UBE2W: variants seen among roughly 807,000 people sequenced by gnomAD.
UBE2W encodes ubiquitin conjugating enzyme E2 W.
Under a neutral mutation model 27.2 loss-of-function variants are expected in UBE2W, and 18 were observed. The observed-to-expected ratio is 0.66, with a 90% CI of 0.46 to 0.98. UBE2W has a LOEUF of 0.98. Among genes scored for constraint, UBE2W ranks in the 50% least tolerant of loss-of-function variants. UBE2W has a pLI of 0.00. For synonymous variants in UBE2W, 53 were observed against 57.2 expected, an observed-to-expected ratio of 0.93 and a Z score of 0.33; for missense variants, 90 against 180.2, an observed-to-expected ratio of 0.50 and a Z score of 2.87.
At chr8:73,877,910 A>G (rs2131007371) in intron 1 of UBE2W, among the ~76,000 whole-genome samples, 1 of 152,368 alleles carries the variant, frequency 6.6e-6, no homozygotes, top group Non-Finnish European at 1.5e-5. Flanking sequence ...TTGGAAAGCC[A>G]GAAAACCACG....
intron 1 of UBE2W, among the ~76,000 whole-genome samples, chr8:73,843,571 G>A (rs1810636144): frequency 6.6e-6 from 1 of 152,050 alleles, no homozygotes; most frequent in Non-Finnish European, 1.5e-5. Flanking sequence ...AGGAGTTCAG[G>A]TTATAGTGAG....
chr8:73,872,602 G>A (rs182120168), intron 1 of UBE2W, among the ~76,000 whole-genome samples: 28 of 152,308 alleles, frequency 1.8e-4, no homozygotes, highest in African/African-American at 6.5e-4. Flanking sequence ...CAGTAACTGA[G>A]TAGTGAAACT....
chr8:73,785,696 A>G (rs139495511), downstream of UBE2W, among the ~76,000 whole-genome samples: 84 of 152,180 alleles, frequency 5.5e-4, no homozygotes, highest in East Asian at 0.012. Flanking sequence ...GATTCAAGCT[A>G]TTCTCCTGCC....
At position 73,790,807 on chromosome 8, in the gene UBE2W, T is replaced by C. The variant is rs1192142344; in HGVS notation, c.*3295A>G. On this transcript the variant is annotated 3_prime_UTR_variant, in exon 6 of 6. Coordinates refer to ENST00000602593, the MANE Select transcript of UBE2W (RefSeq NM_018299.6). ...ATAACCATTTTCATATCACTACTCA[T>C]TTCCATTATTTACCAATTCATCTTT... is the stretch of plus-strand genomic sequence containing the variant. The C allele has an allele frequency of 2.0e-6, 2 of 984,142 alleles. No homozygotes were observed. The highest frequency in any genetic ancestry group is 3.5e-5 in the African/African-American group (2 of 57,232). The allele number at this position is 984,142 out of a possible 1,614,324, so 61.0% of individuals were successfully genotyped here.
rs1462663201 is a variant in UBE2W, at chr8:73,792,977, C to G, written c.*1125G>C. ...TTTTGTTAAAACATTAAGCCTCTGT[C>G]AAAAATGTATTTCTTATTTTAGGGT... On this transcript the variant is annotated 3_prime_UTR_variant, in exon 6 of 6. Transcript: ENST00000602593. 1.2e-5 allele frequency: 12 copies of G among 985,180 alleles called. No homozygotes were observed. The highest frequency in any genetic ancestry group is 1.2e-5 in the Non-Finnish European group (10 of 829,622). 61.0% of individuals were successfully genotyped at this position (985,180 alleles called of 1,614,324 possible).
intron 5 of UBE2W, among the ~76,000 whole-genome samples, chr8:73,797,102 T>C (rs1326587403): frequency 2.0e-5 from 3 of 152,308 alleles, no homozygotes; most frequent in East Asian, 1.9e-4. Context: ...AAATATAACA[T>C]ACAAGCTGCC....
intron 1 of UBE2W, among the ~76,000 whole-genome samples, chr8:73,858,979 C>CGTGTGTGTGT (rs59095956): frequency 1.3e-4 from 17 of 126,026 alleles, no homozygotes; most frequent in African/African-American, 3.9e-4. Flanking sequence ...GGGGTTTTTG[C>CGTGTGTGTGT]GTGTGTGTGT....
At chr8:73,797,290 C>G (rs138219834) in intron 5 of UBE2W, among the ~76,000 whole-genome samples, 1 of 151,634 alleles carries the variant, frequency 6.6e-6, no homozygotes, top group Non-Finnish European at 1.5e-5. Flanking sequence ...GGACAGAAGA[C>G]TAGAAAAAAA....
intron 4 of UBE2W, among the ~76,000 whole-genome samples, chr8:73,809,847 G>A (rs1242893535): frequency 6.6e-6 from 1 of 152,120 alleles, no homozygotes; most frequent in Admixed American, 6.5e-5. Flanking sequence ...CTAAAGTGCT[G>A]GGATTACAGG....
chr8:73,830,448 C>A lies in UBE2W; in HGVS notation c.40G>T (p.Ala14Ser), dbSNP rs1810025261. Reference protein sequence around the residue: ...MQKRLQKELLALQNDPPPGMT... With the variant: ...MQKRLQKELLSLQNDPPPGMT... ...CCAGGAGGTGGGTCATTTTGCAAAG[C>A]CAACAGTTCTTTCTGTAGTCGTTTC... The change falls in exon 2 of 6, where the codon GCT becomes TCT. Residue 14 changes from alanine (A) to serine (S), a missense_variant. Physicochemically the swap from Ala to Ser is moderately conservative, Grantham distance 99 (BLOSUM62 1). Transcript: ENST00000602593. 6.2e-7 allele frequency: 1 copy of A among 1,613,592 alleles called. No individual in the cohort carries two copies. Among genetic ancestry groups the A allele is most frequent in the African/African-American group, 1.3e-5 (1 of 74,876 alleles).
downstream of UBE2W, among the ~76,000 whole-genome samples, chr8:73,782,346 A>G (rs186633770): frequency 2.6e-5 from 4 of 152,226 alleles, no homozygotes; most frequent in Admixed American, 2.0e-4. Context: ...AACCAAGACA[A>G]TCAAGATAAT....
chr8:73,787,954 A>G lies in UBE2W; in HGVS notation c.*6148T>C. On this transcript the variant is annotated 3_prime_UTR_variant, in exon 6 of 6. Coordinates refer to ENST00000602593, the MANE Select transcript of UBE2W (RefSeq NM_018299.6). ...GGTGATGTGTTAAATAGATGGTTTAAGTGACTATCTTCATTCTGTTGCACT... is the reference window on the plus strand; with the variant it reads ...GGTGATGTGTTAAATAGATGGTTTAGGTGACTATCTTCATTCTGTTGCACT... The G allele has an allele frequency of 1.0e-6, 1 of 985,308 alleles. No homozygotes were observed. Among genetic ancestry groups the G allele is most frequent in the South Asian group, 4.7e-5 (1 of 21,284 alleles). 61.0% of individuals were successfully genotyped at this position (985,308 alleles called of 1,614,324 possible).
downstream of UBE2W, among the ~76,000 whole-genome samples, chr8:73,785,117 T>C (rs551898469): frequency 1.3e-5 from 2 of 152,158 alleles, no homozygotes; most frequent in Non-Finnish European, 2.9e-5. Flanking sequence ...CTGAAACCCA[T>C]CTACAAAGTT....
chr8:73,823,146 G>C (rs561771040), intron 3 of UBE2W, among the ~76,000 whole-genome samples: 4 of 152,228 alleles, frequency 2.6e-5, no homozygotes, highest in East Asian at 1.9e-4. Flanking sequence ...GCTGAATAAA[G>C]AACCTGGATA....
rs1403131482 is a variant in UBE2W, at chr8:73,787,955, G to A, written c.*6147C>T. On this transcript the variant is annotated 3_prime_UTR_variant, in exon 6 of 6. Coordinates refer to ENST00000602593, the MANE Select transcript of UBE2W (RefSeq NM_018299.6). ...GTGATGTGTTAAATAGATGGTTTAA[G>A]TGACTATCTTCATTCTGTTGCACTC... is the stretch of plus-strand genomic sequence containing the variant. The A allele has an allele frequency of 1.0e-5, 10 of 985,078 alleles. No homozygotes were observed. Among genetic ancestry groups the A allele is most frequent in the Non-Finnish European group, 1.2e-5 (10 of 829,742 alleles). 61.0% of individuals were successfully genotyped at this position (985,078 alleles called of 1,614,324 possible).
intron 5 of UBE2W, among the ~76,000 whole-genome samples, chr8:73,803,816 G>C (rs1358065422): frequency 6.6e-6 from 1 of 150,566 alleles, no homozygotes; most frequent in African/African-American, 2.4e-5. Context: ...GCCCAGGCTG[G>C]AGTGCAGTGG....
intron 1 of UBE2W, among the ~76,000 whole-genome samples, chr8:73,849,865 T>C (rs1810999656): frequency 2.0e-5 from 3 of 152,062 alleles, no homozygotes. Context: ...GAAACAAAGC[T>C]GGCATTGCTA....
intron 1 of UBE2W, among the ~76,000 whole-genome samples, chr8:73,875,386 A>C (rs1812178556): frequency 6.6e-6 from 1 of 152,166 alleles, no homozygotes; most frequent in South Asian, 2.1e-4. Flanking sequence ...CAGAACCTAA[A>C]AGATGGTTGA....
intron 2 of UBE2W, among the ~76,000 whole-genome samples, chr8:73,828,138 A>G (rs749987983): frequency 3.3e-5 from 5 of 152,156 alleles, no homozygotes; most frequent in Non-Finnish European, 5.9e-5. Flanking sequence ...TGTTCTCTCA[A>G]TTAGTCTCAG....
Sources: gnomAD v4.1 joint callset for allele counts (sites outside exome capture counted in the v4.1 genomes callset) on GRCh38, gnomAD v4.1.1 for gene constraint, MANE v1.5 for transcripts, NCBI Gene and HGNC (gene_info 2026-07-23, HGNC 2026-07-21) for gene names.